The following ZNF541 variants were observed in gnomAD, a reference collection of about 807,000 sequenced individuals.
ZNF541 encodes the protein zinc finger protein 541.
Under a neutral mutation model 123.5 loss-of-function variants are expected in ZNF541, and 23 were observed. The observed-to-expected ratio is 0.19, with a 90% CI of 0.13 to 0.26. ZNF541 has a LOEUF of 0.26. ZNF541 is among the 10% of genes least tolerant of loss of function. The probability of loss-of-function intolerance (pLI) is 1.00; values close to 1 mark genes in which losing one functional copy is unlikely to be tolerated. For synonymous variants in ZNF541, 751 were observed against 754.5 expected (o/e 1.00, Z 0.08); for missense variants, 1,612 against 1,789.9 (o/e 0.90, Z 1.79).
intron 14 of ZNF541, among the ~76,000 whole-genome samples, chr19:47,523,318 G>A (rs1373630008): frequency 3.0e-5 from 4 of 135,240 alleles, no homozygotes; most frequent in East Asian, 2.1e-4. Flanking sequence ...GTGAGCCACC[G>A]CGCCCGGCGA....
chr19:47,525,328 G>A (rs940304445), intron 14 of ZNF541, among the ~76,000 whole-genome samples: 1 of 151,104 alleles, frequency 6.6e-6, no homozygotes, highest in East Asian at 1.9e-4. Flanking sequence ...GGCCTATAGA[G>A]CCAATGCAGT....
chr19:47,560,327 G>T (rs1244187633), intron 2 of ZNF541, among the ~76,000 whole-genome samples: 2 of 152,098 alleles, frequency 1.3e-5, no homozygotes, highest in African/African-American at 2.4e-5. Flanking sequence ...TGTTATGCCA[G>T]CATTTTGGGA....
intron 2 of ZNF541, among the ~76,000 whole-genome samples, chr19:47,571,118 CTT>C (rs560906578): frequency 6.9e-6 from 1 of 145,036 alleles, no homozygotes. Flanking sequence ...CCTATGCTGT[CTT>C]TTTTTTTTTT....
intron 5 of ZNF541, 46 bp from the exon 6 acceptor site, chr19:47,540,997 G>A (rs1374202362): frequency 5.3e-6 from 8 of 1,516,176 alleles, no homozygotes; most frequent in South Asian, 1.2e-5. Context: ...AAATGAAGAG[G>A]CAAGAAGAGC....
chr19:47,547,905 T>C (rs540144306), intron 4 of ZNF541, among the ~76,000 whole-genome samples: 4 of 151,818 alleles, frequency 2.6e-5, no homozygotes, highest in East Asian at 3.9e-4. Context: ...CCAGGCATGA[T>C]AGTGCATGCC....
chr19:47,521,383 G>A lies in ZNF541; in HGVS notation c.3888-6C>T. On this transcript the variant is annotated splice_polypyrimidine_tract_variant and splice_region_variant and intron_variant, in intron 16 of 16. Transcript: ENST00000391901. The surrounding 1 kb of genome is among the most constrained non-coding windows in gnomAD (Gnocchi z 4.2). ...TCTTGATCTTGTCAAACACCCTGAG[G>A]AGTCACCAGAGGACATGGGGTCAGA... 1 of 1,551,746 alleles carries A rather than the reference G, an allele frequency of 6.4e-7. No individual in the cohort carries two copies. Among genetic ancestry groups the A allele is most frequent in the Non-Finnish European group, 8.7e-7 (1 of 1,146,976 alleles).
intron 2 of ZNF541, among the ~76,000 whole-genome samples, chr19:47,570,381 C>T (rs946926826): frequency 1.3e-5 from 2 of 151,288 alleles, no homozygotes; most frequent in African/African-American, 4.9e-5. Flanking sequence ...AGTTTGAGAC[C>T]GCCTTGCCAA....
intron 14 of ZNF541, among the ~76,000 whole-genome samples, chr19:47,524,067 T>C (rs1286290975): frequency 2.0e-5 from 3 of 152,058 alleles, no homozygotes; most frequent in African/African-American, 7.2e-5. Context: ...GGGCACTGGG[T>C]AGGGCAGTGA....
intron 14 of ZNF541, among the ~76,000 whole-genome samples, chr19:47,528,408 C>T (rs1348794070): frequency 6.6e-6 from 1 of 151,510 alleles, no homozygotes; most frequent in Admixed American, 6.6e-5. Flanking sequence ...ACTCTGCCTC[C>T]CGGGTTCAAA....
intron 2 of ZNF541, among the ~76,000 whole-genome samples, chr19:47,566,746 A>AAAAG (rs1555778904): frequency 6.6e-6 from 1 of 151,142 alleles, no homozygotes; most frequent in African/African-American, 2.4e-5. Context: ...CTCCATCTCA[A>AAAAG]AAATAAATAA....
chr19:47,563,190 T>C (rs1283382045), intron 2 of ZNF541, among the ~76,000 whole-genome samples: 2 of 152,226 alleles, frequency 1.3e-5, no homozygotes, highest in Non-Finnish European at 2.9e-5. Context: ...TAATCCCATA[T>C]ACAACTCTGA....
intron 2 of ZNF541, among the ~76,000 whole-genome samples, chr19:47,571,313 T>C (rs971649280): frequency 1.3e-5 from 2 of 152,142 alleles, no homozygotes; most frequent in African/African-American, 4.8e-5. Flanking sequence ...AGGGTTTTAC[T>C]ATATTGGCCA....
At position 47,521,517 on chromosome 19, in the gene ZNF541, T is replaced by G. The variant is rs1969026863; in HGVS notation, c.3849A>C (p.Ala1283=). Residue 1283 remains alanine (A), a synonymous_variant, in exon 16 of 17, where the codon GCA becomes GCC. Transcript: ENST00000391901. This position sits in a 1 kb window ranked among gnomAD's most constrained non-coding sequence, Gnocchi z 4.2. Reference sequence around the variant, plus strand: ...TGCATGGAAAAATGCCCTGGCTCTCTGCACTTCCCAACAGCTCGGGGGTCC... The same window carrying G: ...TGCATGGAAAAATGCCCTGGCTCTCGGCACTTCCCAACAGCTCGGGGGTCC... ...SKRTPELLGS[A]ESQGIFPCRE... 1.3e-6 allele frequency: 2 copies of G among 1,551,648 alleles called. No individual in the cohort carries two copies. The highest frequency in any genetic ancestry group is 1.7e-6 in the Non-Finnish European group (2 of 1,146,986).
In ZNF541 at chr19:47,544,429, C is replaced by T; in HGVS notation, c.2100G>A (p.Gln700=). The T allele has an allele frequency of 1.3e-6, 2 of 1,551,676 alleles. No homozygotes were observed. The highest frequency in any genetic ancestry group is 1.7e-6 in the Non-Finnish European group (2 of 1,147,012). ...EDIFPSTGQR[Q]TQLGGEEPPG... ...GTGGCTCCTCCCCACCTAACTGGGT[C>T]TGCCGTTGGCCTGTGGAGGGGAAGA... Residue 700 remains glutamine (Q), a synonymous_variant, in exon 5 of 17, where the codon CAG becomes CAA. Transcript: ENST00000391901.
chr19:47,550,260 A>G (rs1970537676), intron 3 of ZNF541, among the ~76,000 whole-genome samples: 1 of 151,686 alleles, frequency 6.6e-6, no homozygotes, highest in African/African-American at 2.4e-5. Flanking sequence ...AAAGAAAAAG[A>G]AAAAGAAAGA....
Position 47,555,663 on chromosome 19 carries a change from C to T in ZNF541, c.194G>A (p.Ser65Asn), listed in dbSNP as rs1970788787. The change falls in exon 3 of 17, where the codon AGC becomes AAC. Residue 65 changes from serine to asparagine, a missense_variant. Coordinates refer to ENST00000391901, the MANE Select transcript of ZNF541 (RefSeq NM_001277075.3). ...GTCTAAGTTGTCCTCCAGCACCTCGCTGGACATGTCAGGCGTTGGGAGGCT... is the reference window on the plus strand; with the variant it reads ...GTCTAAGTTGTCCTCCAGCACCTCGTTGGACATGTCAGGCGTTGGGAGGCT... ...DPSLPTPDMSSEVLEDNLDTL... is the reference protein window; with the variant it reads ...DPSLPTPDMSNEVLEDNLDTL... 1 of 1,551,642 alleles carries T rather than the reference C, an allele frequency of 6.4e-7. No individual in the cohort carries two copies. The highest frequency in any genetic ancestry group is 2.0e-5 in the Admixed American group (1 of 50,974).
Position 47,538,168 on chromosome 19 carries a change from G to C in ZNF541, c.3068C>G (p.Pro1023Arg). 1 of 1,551,100 alleles carries C rather than the reference G, an allele frequency of 6.4e-7. No individual in the cohort carries two copies. The highest frequency in any genetic ancestry group is 8.7e-7 in the Non-Finnish European group (1 of 1,146,980). The change falls in exon 9 of 17, where the codon CCT becomes CGT. Residue 1023 changes from proline to arginine, a missense_variant. By Grantham distance (103) the Pro-to-Arg change is moderately radical (BLOSUM62 -2). Around this residue, in one of 5 missense-constraint regions of ZNF541, gnomAD observed 285 missense variants for 407.3 expected, o/e 0.70. Coordinates refer to ENST00000391901, the MANE Select transcript of ZNF541 (RefSeq NM_001277075.3). ...GAGCATGGAGCTGATGAGCTGGTCA[G>C]GGCTGGCCTGAGTGGACGTGGAACA... ...TLCSTSTQAS[P>R]DQLISSMLDQ...
chr19:47,541,734 T>C (rs1250877901), intron 5 of ZNF541, among the ~76,000 whole-genome samples: 4 of 152,190 alleles, frequency 2.6e-5, no homozygotes, highest in Non-Finnish European at 4.4e-5. Context: ...AGGGTAGTTA[T>C]AATTTAAACA....
At chr19:47,563,207 A>C (rs1221334001) in intron 2 of ZNF541, among the ~76,000 whole-genome samples, 1 of 152,216 alleles carries the variant, frequency 6.6e-6, no homozygotes, top group Non-Finnish European at 1.5e-5. Context: ...CTGAGACCCA[A>C]CTGAGTTTCA....
Sources: gnomAD v4.1 joint callset for allele counts (sites outside exome capture counted in the v4.1 genomes callset) on GRCh38, gnomAD v4.1.1 for gene constraint, gnomAD v4.1.1 regional missense constraint, Gnocchi (gnomAD v3.1) non-coding constraint, MANE v1.5 for transcripts, NCBI Gene and HGNC (gene_info 2026-07-23, HGNC 2026-07-21) for gene names.